LTBP1: variants seen among roughly 807,000 people sequenced by gnomAD.
The protein encoded by LTBP1 is latent-transforming growth factor beta-binding protein 1.
In LTBP1, 129 loss-of-function variants were observed where a neutral mutation model predicts 207.6. The observed-to-expected ratio is 0.62, with a 90% CI of 0.54 to 0.72. The LOEUF is 0.72. LTBP1 is among the 30% of genes least tolerant of loss of function. The pLI is 0.00. For missense variants in LTBP1, 2,281 were observed against 2,217.2 expected (o/e 1.03, Z -0.58); for synonymous variants, 963 against 833.7 (o/e 1.16, Z -2.67).
intron 3 of LTBP1, among the ~76,000 whole-genome samples, chr2:33,089,155 CAAA>C (rs61009791): frequency 9.8e-4 from 94 of 96,390 alleles, no homozygotes; most frequent in African/African-American, 1.6e-3. Context: ...GACTCAGTCT[CAAA>C]AAAAAAAAAA....
At chr2:33,280,205 C>G in intron 19 of LTBP1, 47 bp downstream of exon 19, 1 of 1,564,920 alleles carries the variant, frequency 6.4e-7, no homozygotes, top group South Asian at 1.2e-5. Flanking sequence ...TTCTGCATGG[C>G]CCATTTTCTG....
intron 5 of LTBP1, among the ~76,000 whole-genome samples, chr2:33,173,946 A>G (rs2085741311): frequency 7.0e-6 from 1 of 141,872 alleles, no homozygotes. Context: ...CCTTTGACAA[A>G]ATTCAACAAC....
chr2:33,166,567 A>G (rs901476276), intron 5 of LTBP1, among the ~76,000 whole-genome samples: 14 of 152,330 alleles, frequency 9.2e-5, no homozygotes, highest in African/African-American at 2.9e-4. Context: ...TCAAATGTCA[A>G]CTTAGTCTAA....
At chr2:33,083,604 G>T (rs1259944549) in intron 3 of LTBP1, among the ~76,000 whole-genome samples, 1 of 152,138 alleles carries the variant, frequency 6.6e-6, no homozygotes, top group African/African-American at 2.4e-5. Flanking sequence ...TTCTGGTGCT[G>T]CAGTAGGTCC....
rs868228030 is a variant in LTBP1 at position 33,286,572 on chromosome 2, A to G, written c.3112+6414A>G. On this transcript the variant is annotated intron_variant, in intron 19 of 33. Coordinates refer to ENST00000404816, the MANE Select transcript of LTBP1 (RefSeq NM_206943.4). Reference sequence around the variant, plus strand: ...GTGCAAACATTAGCTTTATCCCTACATTATTATATGCTAAAGGATGCTTCT... The same window carrying G: ...GTGCAAACATTAGCTTTATCCCTACGTTATTATATGCTAAAGGATGCTTCT... Among the ~76,000 whole-genome samples the G allele has an allele frequency of 1.2e-4, 19 of 152,200 alleles. 1 individual carries two copies. The highest frequency in any genetic ancestry group is 2.9e-5 in the Non-Finnish European group (2 of 68,046).
At chr2:33,361,823 G>A (rs987044079) in intron 28 of LTBP1, among the ~76,000 whole-genome samples, 1 of 152,070 alleles carries the variant, frequency 6.6e-6, no homozygotes, top group Non-Finnish European at 1.5e-5. Context: ...AACAAATTCT[G>A]TACCTAGTAG....
intron 3 of LTBP1, among the ~76,000 whole-genome samples, chr2:33,093,465 G>T (rs2079216397): frequency 6.6e-6 from 1 of 150,960 alleles, no homozygotes; most frequent in Non-Finnish European, 1.5e-5. Flanking sequence ...TCTCTTGGCA[G>T]TTTTTTTTTC....
chr2:33,363,303 C>T, intron 28 of LTBP1, 87 bp from the exon 29 acceptor site: 1 of 1,341,882 alleles, frequency 7.5e-7, no homozygotes, highest in South Asian at 1.4e-5. Flanking sequence ...TAATATCTAA[C>T]TTAAAGCCCC....
intron 2 of LTBP1, 77 bp downstream of exon 2, chr2:32,949,022 G>A: frequency 2.1e-6 from 3 of 1,421,590 alleles, no homozygotes; most frequent in Non-Finnish European, 3.0e-6. Flanking sequence ...CATCTCACAA[G>A]GGCCACTTGA....
chr2:33,001,266 T>A (rs1686030993), intron 2 of LTBP1, among the ~76,000 whole-genome samples: 1 of 135,048 alleles, frequency 7.4e-6, no homozygotes. Flanking sequence ...AGACAGTGAG[T>A]CTCAAATATG....
chr2:33,371,480 C>T (rs914046707), intron 31 of LTBP1, among the ~76,000 whole-genome samples: 3 of 152,156 alleles, frequency 2.0e-5, no homozygotes, highest in Non-Finnish European at 2.9e-5. Context: ...TCAGGAAAAA[C>T]GAGCCATTGT....
intron 9 of LTBP1, among the ~76,000 whole-genome samples, chr2:33,237,999 C>T (rs1237828838): frequency 2.6e-5 from 4 of 152,044 alleles, no homozygotes; most frequent in South Asian, 2.1e-4. Flanking sequence ...CATGTTCCTT[C>T]GTGGTATGTC....
chr2:33,024,448 G>A (rs974031949), intron 3 of LTBP1, among the ~76,000 whole-genome samples: 8 of 152,218 alleles, frequency 5.3e-5, no homozygotes, highest in African/African-American at 1.7e-4. Context: ...TGAGGCAGGA[G>A]TGTGCCTGAG....
chr2:33,232,503 T>C (rs2091845669), intron 9 of LTBP1, among the ~76,000 whole-genome samples: 2 of 152,160 alleles, frequency 1.3e-5, no homozygotes, highest in Non-Finnish European at 1.5e-5. Flanking sequence ...AAAGCCTTTT[T>C]CCCTCATATA....
intron 24 of LTBP1, among the ~76,000 whole-genome samples, chr2:33,342,323 A>T (rs966445598): frequency 3.3e-5 from 5 of 152,204 alleles, no homozygotes; most frequent in Admixed American, 6.5e-5. Flanking sequence ...CTGACTGGCT[A>T]CCCTGCTGAC....
chr2:33,251,582 G>A (rs2092685094), intron 10 of LTBP1, among the ~76,000 whole-genome samples: 1 of 150,760 alleles, frequency 6.6e-6, no homozygotes, highest in African/African-American at 2.4e-5. Flanking sequence ...GGAGAATGGC[G>A]TGAACCCGGG....
intron 2 of LTBP1, among the ~76,000 whole-genome samples, chr2:33,014,781 A>G (rs1688142610): frequency 6.6e-6 from 1 of 152,222 alleles, no homozygotes; most frequent in Admixed American, 6.5e-5. Context: ...AATGTGAAAG[A>G]CATCTGAGAC....
rs190672675 is a variant in LTBP1 at position 33,373,393 on chromosome 2, G to T, written c.4711+7890G>T. Among the ~76,000 whole-genome samples, 122 of 152,292 alleles carry T rather than the reference G, an allele frequency of 8.0e-4. 1 individual carries two copies. The highest frequency in any genetic ancestry group is 2.6e-3 in the African/African-American group (108 of 41,550). ...TCTGAATCAAAAATTCTAGTTCTGG[G>T]ACTGATGAAAGAGCAAATGGATTTT... On this transcript the variant is annotated intron_variant, in intron 31 of 33. Transcript: ENST00000404816.
chr2:33,238,164 T>A (rs946287327), intron 9 of LTBP1, among the ~76,000 whole-genome samples: 2 of 152,216 alleles, frequency 1.3e-5, no homozygotes, highest in African/African-American at 4.8e-5. Flanking sequence ...AATGGAATTC[T>A]GTCATGGAAT....
Sources: gnomAD v4.1 joint callset for allele counts (sites outside exome capture counted in the v4.1 genomes callset) on GRCh38, gnomAD v4.1.1 for gene constraint, MANE v1.5 for transcripts, NCBI Gene and HGNC (gene_info 2026-07-23, HGNC 2026-07-21) for gene names.